The following NEB variants were observed in gnomAD, a reference collection of about 807,000 sequenced individuals.
NEB encodes nebulin.
NEB carries 512 observed loss-of-function variants against 952.2 expected under a neutral mutation model. The observed-to-expected ratio is 0.54, with a 90% CI of 0.50 to 0.58. The LOEUF is 0.58. Among genes scored for constraint, NEB ranks in the 20% least tolerant of loss-of-function variants. The probability of loss-of-function intolerance (pLI) is 0.00; values close to 1 mark genes in which losing one functional copy is unlikely to be tolerated. For synonymous variants in NEB, 2,900 were observed against 3,149.8 expected, an observed-to-expected ratio of 0.92 and a Z score of 2.66; for missense variants, 8,428 against 9,231.1, an observed-to-expected ratio of 0.91 and a Z score of 3.56.
At chr2:151,510,704 CT>C (rs1320395986) in intron 161 of NEB, among the ~76,000 whole-genome samples, 1 of 152,056 alleles carries the variant, frequency 6.6e-6, no homozygotes, top group Non-Finnish European at 1.5e-5. Context: ...ACAAATTAAG[CT>C]TTGTCATAGG....
rs1039905203 is a variant in NEB at position 151,655,277 on chromosome 2, T to C, written c.6800A>G (p.Tyr2267Cys). The stretch of plus-strand genomic sequence containing the variant: ...ATTTTTATATAAATTTACCTGACTA[T>C]ACAGTGTTTGATTCTGCTTGGCTTG... ...ILQAKQNQTL[Y>C]SQKLYKLGWE... Residue 2267 changes from tyrosine (Y) to cysteine (C), a missense_variant, in exon 51 of 182, where the codon TAT becomes TGT. Physicochemically the swap from Tyr to Cys is radical, Grantham distance 194. This residue lies in a region of NEB where 2,851 missense variants were observed against 2,791.5 expected (regional missense o/e 1.02). Coordinates refer to ENST00000397345, the MANE Select transcript of NEB (RefSeq NM_001164508.2). The C allele has an allele frequency of 6.4e-7, 1 of 1,552,604 alleles. No individual in the cohort carries two copies. The highest frequency in any genetic ancestry group is 8.9e-7 in the Non-Finnish European group (1 of 1,129,386).
At chr2:151,551,696 G>T (rs774765719) in intron 129 of NEB, 42 bp downstream of exon 129, 1 of 1,477,786 alleles carries the variant, frequency 6.8e-7, no homozygotes, top group South Asian at 1.1e-5. Flanking sequence ...GAGGCTGATG[G>T]AACGGATTTC....
At chr2:151,496,699 A>AAACG (rs2060455906) in intron 172 of NEB, among the ~76,000 whole-genome samples, 1 of 152,172 alleles carries the variant, frequency 6.6e-6, no homozygotes. Flanking sequence ...TTATCCACAC[A>AAACG]AACGGAAAAA....
intron 129 of NEB, among the ~76,000 whole-genome samples, chr2:151,551,024 GT>G (rs918518432): frequency 6.6e-6 from 1 of 151,048 alleles, no homozygotes; most frequent in Non-Finnish European, 1.5e-5. Flanking sequence ...CTGGAGTGCA[GT>G]GGTGCAATCT....
chr2:151,576,814 C>A (rs748842263), intron 105 of NEB, among the ~76,000 whole-genome samples: 1 of 151,964 alleles, frequency 6.6e-6, no homozygotes, highest in Non-Finnish European at 1.5e-5. Flanking sequence ...GGATTACAGG[C>A]ATGAGCCACT....
intron 165 of NEB, 135 bp from the exon 166 acceptor site, chr2:151,503,576 G>A (rs114005738): frequency 0.011 from 6,325 of 556,754 alleles, 72 homozygotes; most frequent in Middle Eastern, 0.042. Flanking sequence ...GGAACAGGGG[G>A]GAAAATTCCA....
Position 151,546,425 on chromosome 2 carries a change from A to G in NEB, c.20386T>C (p.Leu6796=). The change falls in exon 134 of 182, where the codon TTG becomes CTG. Residue 6796 remains leucine (L), a synonymous_variant. Transcript: ENST00000397345. The part of the protein sequence containing the change: ...ITSDIKYKED[L]QVLKGFGCFL... ...CAGCCAAATCCCTTCAGGACCTGCA[A>G]GTCCTCTTTGTATTTAATCTGAGAG... 6.2e-7 allele frequency: 1 copy of G among 1,613,058 alleles called. No individual in the cohort carries two copies.
chr2:151,562,826 CA>C lies in NEB; in HGVS notation c.18694-19del. 1.3e-6 allele frequency: 2 copies of C among 1,513,900 alleles called. No individual in the cohort carries two copies. Among genetic ancestry groups the C allele is most frequent in the Non-Finnish European group, 1.8e-6 (2 of 1,114,340 alleles). The allele number at this position is 1,513,900 out of a possible 1,614,324, so 93.8% of individuals were successfully genotyped here. A position where few individuals can be genotyped will look rare whatever the true frequency, so the allele number is the denominator to read the frequency against. Reference sequence around the variant, plus strand: ...TAGTTCAACTAATATGTTTTAAAGACAAAAATAAGAAAGGGGTTTAAATGTA... The same window carrying C: ...TAGTTCAACTAATATGTTTTAAAGACAAAATAAGAAAGGGGTTTAAATGTA... On this transcript the variant is annotated intron_variant, in intron 119 of 181. Coordinates refer to ENST00000397345, the MANE Select transcript of NEB (RefSeq NM_001164508.2).
Position 151,553,944 on chromosome 2 carries a change from C to T in NEB, c.19510G>A (p.Asp6504Asn). 6.2e-7 allele frequency: 1 copy of T among 1,613,888 alleles called. No homozygotes were observed. Among genetic ancestry groups the T allele is most frequent in the Non-Finnish European group, 8.5e-7 (1 of 1,179,796 alleles). Residue 6504 changes from aspartate to asparagine, a missense_variant, in exon 126 of 182, where the codon GAT (aspartate) becomes AAT (asparagine). This residue lies in a region of NEB where 3,374 missense variants were observed against 3,651.5 expected (regional missense o/e 0.92). Coordinates refer to ENST00000397345, the MANE Select transcript of NEB (RefSeq NM_001164508.2). ...ATCTCACTGACTTTCTTCTGGGAATCCTTGGCAGTAACCATCTCTACCATG... is the reference window on the plus strand; with the variant it reads ...ATCTCACTGACTTTCTTCTGGGAATTCTTGGCAGTAACCATCTCTACCATG... ...PDMVEMVTAK[D>N]SQKKVSEIDY...
chr2:151,601,367 C>T (rs2097529201), intron 88 of NEB, among the ~76,000 whole-genome samples: 1 of 145,260 alleles, frequency 6.9e-6, no homozygotes, highest in Non-Finnish European at 1.5e-5. Flanking sequence ...CCTTGGCCTC[C>T]CAAAATGCTG....
rs1201167093 is a variant in NEB at position 151,659,111 on chromosome 2, A to T, written c.6029T>A (p.Ile2010Asn). 6.2e-7 allele frequency: 1 copy of T among 1,613,058 alleles called. No individual in the cohort carries two copies. The highest frequency in any genetic ancestry group is 8.5e-7 in the Non-Finnish European group (1 of 1,179,192). ...DKTKVHIMPDIPQIILAKANA... is the reference protein window; with the variant it reads ...DKTKVHIMPDNPQIILAKANA... ...TGCCTTTGCCAAAATAATCTGGGGG[A>T]TATCAGGCATGATGTGGACTTTGGT... Residue 2010 changes from isoleucine (I) to asparagine (N), a missense_variant, in exon 47 of 182, where the codon ATC becomes AAC. By Grantham distance (149) the Ile-to-Asn change is moderately radical. Coordinates refer to ENST00000397345, the MANE Select transcript of NEB (RefSeq NM_001164508.2).
chr2:151,573,802 C>T (rs188545440), intron 107 of NEB, among the ~76,000 whole-genome samples: 332 of 152,210 alleles, frequency 2.2e-3, no homozygotes, highest in South Asian at 3.5e-3. Context: ...CTTCCTTGAA[C>T]TTTCTTGAAT....
intron 45 of NEB, 141 bp downstream of exon 45, chr2:151,663,407 A>T: frequency 1.2e-6 from 1 of 822,618 alleles, no homozygotes; most frequent in Non-Finnish European, 1.9e-6. Context: ...ACATGAATTC[A>T]ATCTAAGGTA....
Position 151,503,346 on chromosome 2 carries a change from T to G in NEB, c.23835+3A>C. On this transcript the variant is annotated splice_donor_region_variant and intron_variant, in intron 166 of 181. Transcript: ENST00000397345. ...GTTTCTTATATGATATATTTGTAAA[T>G]ACCGAGCTAAAGTTCTCTTGATTGC... 1 of 1,596,704 alleles carries G rather than the reference T, an allele frequency of 6.3e-7. No homozygotes were observed. The highest frequency in any genetic ancestry group is 8.6e-7 in the Non-Finnish European group (1 of 1,165,206).
intron 7 of NEB, 79 bp downstream of exon 7, chr2:151,724,778 T>A (rs1161822226): frequency 8.3e-7 from 1 of 1,201,234 alleles, no homozygotes; most frequent in Non-Finnish European, 1.2e-6. Flanking sequence ...ATCAGGCCTG[T>A]CCAATTTTCT....
At chr2:151,501,687 T>C (rs2064689737) in intron 167 of NEB, among the ~76,000 whole-genome samples, 1 of 152,196 alleles carries the variant, frequency 6.6e-6, no homozygotes, top group Non-Finnish European at 1.5e-5. Context: ...AAGACATCAG[T>C]AAAACACAGC....
chr2:151,543,560 G>T (rs2094354637), intron 135 of NEB, among the ~76,000 whole-genome samples: 1 of 152,214 alleles, frequency 6.6e-6, no homozygotes, highest in African/African-American at 2.4e-5. Flanking sequence ...TGCTAAAGTT[G>T]TGAATTACAT....
rs2092301976 is a variant in NEB, at chr2:151,533,473, G to T, written c.21386C>A (p.Thr7129Asn). 2 of 1,551,444 alleles carry T rather than the reference G, an allele frequency of 1.3e-6. No homozygotes were observed. The highest frequency in any genetic ancestry group is 4.9e-5 in the East Asian group (2 of 40,904). The change falls in exon 143 of 182, where the codon ACT (threonine) becomes AAT (asparagine). Residue 7129 changes from threonine to asparagine, a missense_variant. Coordinates refer to ENST00000397345, the MANE Select transcript of NEB (RefSeq NM_001164508.2). ...CNEILRPDMLTALYNSHMWSQ... is the reference protein window; with the variant it reads ...CNEILRPDMLNALYNSHMWSQ... ...CCACATATGCGAATTGTAGAGAGCAGTCAACATATCTGGACGCAGAATTTC... is the reference window on the plus strand; with the variant it reads ...CCACATATGCGAATTGTAGAGAGCATTCAACATATCTGGACGCAGAATTTC...
chr2:151,491,459 A>C (rs1574610115), intron 179 of NEB: 1 of 398,296 alleles, frequency 2.5e-6, no homozygotes, highest in African/African-American at 2.0e-5. Flanking sequence ...AATGATAATA[A>C]TGGGAGACAT....
Sources: gnomAD v4.1 joint callset for allele counts (sites outside exome capture counted in the v4.1 genomes callset) on GRCh38, gnomAD v4.1.1 for gene constraint, gnomAD v4.1.1 regional missense constraint, MANE v1.5 for transcripts, NCBI Gene and HGNC (gene_info 2026-07-23, HGNC 2026-07-21) for gene names.